Variants in CTNNA3 observed in about 807,000 individuals in gnomAD.
CTNNA3 encodes the protein catenin alpha-3.
A neutral mutation model predicts 95.7 loss-of-function variants in CTNNA3; 76 were observed. The ratio of observed to expected loss-of-function variants is 0.79; its 90% CI spans 0.66 to 0.96. The LOEUF is 0.96. Among genes scored for constraint, CTNNA3 ranks in the 40% least tolerant of loss-of-function variants. The pLI is 0.00. For synonymous variants in CTNNA3, 431 were observed against 374.4 expected, an observed-to-expected ratio of 1.15 and a Z score of -1.74; for missense variants, 1,191 against 1,089.8, an observed-to-expected ratio of 1.09 and a Z score of -1.31.
chr10:67,640,757 C>T (rs929528224), intron 2 of CTNNA3, among the ~76,000 whole-genome samples: 3 of 151,932 alleles, frequency 2.0e-5, no homozygotes, highest in Non-Finnish European at 2.9e-5. Context: ...AATGGGGAAA[C>T]GATTCCCTAT....
chr10:65,963,894 T>C (rs2077905044), intron 17 of CTNNA3, among the ~76,000 whole-genome samples: 5 of 152,190 alleles, frequency 3.3e-5, no homozygotes. Flanking sequence ...TTCATCTTCT[T>C]TATCCTAAAC....
At chr10:66,339,640 C>G (rs2092433084) in intron 12 of CTNNA3, among the ~76,000 whole-genome samples, 1 of 151,796 alleles carries the variant, frequency 6.6e-6, no homozygotes, top group African/African-American at 2.4e-5. Context: ...GACAGGGTTA[C>G]AGATAGTTCC....
chr10:66,786,683 C>T (rs913467528), intron 7 of CTNNA3, among the ~76,000 whole-genome samples: 4 of 152,082 alleles, frequency 2.6e-5, no homozygotes, highest in Non-Finnish European at 5.9e-5. Flanking sequence ...CTTCATTTTA[C>T]CTGTTTTTTA....
At chr10:67,702,179 A>G (rs2133603843) in intron 1 of CTNNA3, among the ~76,000 whole-genome samples, 1 of 152,304 alleles carries the variant, frequency 6.6e-6, no homozygotes, top group Admixed American at 6.5e-5. Context: ...TAATAATGGG[A>G]GACTTTAACA....
At chr10:66,802,117 C>T (rs1251670644) in intron 7 of CTNNA3, among the ~76,000 whole-genome samples, 2 of 151,560 alleles carry the variant, frequency 1.3e-5, no homozygotes, top group Non-Finnish European at 3.0e-5. Context: ...AACTGTAACA[C>T]CTAGGAGCAA....
chr10:66,413,144 T>A (rs1208966840), intron 11 of CTNNA3, among the ~76,000 whole-genome samples: 2 of 152,172 alleles, frequency 1.3e-5, no homozygotes, highest in Non-Finnish European at 2.9e-5. Flanking sequence ...TACAGTTTTA[T>A]GTAGTTAGCA....
At chr10:66,101,125 T>C (rs2081611280) in intron 14 of CTNNA3, among the ~76,000 whole-genome samples, 1 of 152,178 alleles carries the variant, frequency 6.6e-6, no homozygotes, top group African/African-American at 2.4e-5. Context: ...AGAGCAAAGC[T>C]TACTTTTAGC....
At chr10:66,843,107 G>T (rs538123734) in intron 7 of CTNNA3, among the ~76,000 whole-genome samples, 1 of 152,176 alleles carries the variant, frequency 6.6e-6, no homozygotes, top group South Asian at 2.1e-4. Flanking sequence ...GCAAAAGGAC[G>T]TGGATGTAGA....
At chr10:67,611,069 A>G (rs1843439278) in intron 2 of CTNNA3, among the ~76,000 whole-genome samples, 2 of 152,178 alleles carry the variant, frequency 1.3e-5, no homozygotes, top group Admixed American at 6.5e-5. Context: ...AGAAATTCCC[A>G]CTCTATTAAT....
chr10:66,438,131 T>C lies in CTNNA3; in HGVS notation c.1532-58779A>G, dbSNP rs142373104. Reference sequence around the variant, plus strand: ...AGAGCTCTCCTGTATGAGATGTCTGTTGACCCCTGCTGGGAGGTGTTTCCT... The same window carrying C: ...AGAGCTCTCCTGTATGAGATGTCTGCTGACCCCTGCTGGGAGGTGTTTCCT... On this transcript the variant is annotated intron_variant, in intron 11 of 17. Transcript: ENST00000433211. 4.4e-3 allele frequency among the ~76,000 whole-genome samples: 672 copies of C among 152,240 alleles called. 3 individuals are homozygous for C. The highest frequency in any genetic ancestry group is 7.7e-3 in the Non-Finnish European group (525 of 68,018).
chr10:66,071,679 T>C (rs1015896952), intron 14 of CTNNA3, among the ~76,000 whole-genome samples: 5 of 152,154 alleles, frequency 3.3e-5, no homozygotes, highest in Admixed American at 2.0e-4. Flanking sequence ...AATAGTCACA[T>C]TGTTTAGAAC....
intron 7 of CTNNA3, among the ~76,000 whole-genome samples, chr10:67,035,456 A>T (rs1788342156): frequency 6.6e-6 from 1 of 151,386 alleles, no homozygotes; most frequent in Admixed American, 6.6e-5. Flanking sequence ...AGATGTTGGT[A>T]TTTTTTTTTA....
intron 17 of CTNNA3, among the ~76,000 whole-genome samples, chr10:65,951,583 G>A (rs954206881): frequency 6.6e-6 from 1 of 151,996 alleles, no homozygotes; most frequent in African/African-American, 2.4e-5. Context: ...CTTGATGTAT[G>A]TAGCAACCAT....
At chr10:66,222,906 T>C (rs1226726456) in intron 13 of CTNNA3, among the ~76,000 whole-genome samples, 1 of 152,110 alleles carries the variant, frequency 6.6e-6, no homozygotes, top group Non-Finnish European at 1.5e-5. Context: ...GTTCAACTGG[T>C]CAAATACTCT....
chr10:66,472,359 A>G (rs751266498), intron 11 of CTNNA3, among the ~76,000 whole-genome samples: 15 of 151,918 alleles, frequency 9.9e-5, no homozygotes, highest in Non-Finnish European at 1.3e-4. Flanking sequence ...GTATTATCCT[A>G]TAACAGATGA....
At chr10:67,038,252 T>A (rs1854187587) in intron 7 of CTNNA3, among the ~76,000 whole-genome samples, 1 of 152,108 alleles carries the variant, frequency 6.6e-6, no homozygotes, top group South Asian at 2.1e-4. Flanking sequence ...TCTAAAAAAA[T>A]CTATCCTCCT....
At chr10:66,734,093 C>T (rs920279903) in intron 9 of CTNNA3, among the ~76,000 whole-genome samples, 1 of 151,650 alleles carries the variant, frequency 6.6e-6, no homozygotes, top group Non-Finnish European at 1.5e-5. Context: ...TTATTTTTCA[C>T]TTCTGATAAA....
chr10:67,387,465 C>A (rs1263209028), intron 5 of CTNNA3, among the ~76,000 whole-genome samples: 3 of 152,184 alleles, frequency 2.0e-5, no homozygotes, highest in Admixed American at 6.5e-5. Context: ...AACTGCAAGG[C>A]AGCAGCGAGG....
chr10:65,958,770 G>T (rs998569980), intron 17 of CTNNA3, among the ~76,000 whole-genome samples: 1 of 152,156 alleles, frequency 6.6e-6, no homozygotes, highest in Non-Finnish European at 1.5e-5. Context: ...TCTCAGAGGG[G>T]CAACCAGGCG....
Sources: gnomAD v4.1 joint callset for allele counts (sites outside exome capture counted in the v4.1 genomes callset) on GRCh38, gnomAD v4.1.1 for gene constraint, MANE v1.5 for transcripts, NCBI Gene and HGNC (gene_info 2026-07-23, HGNC 2026-07-21) for gene names.